ADGRL3: variants seen among roughly 807,000 people sequenced by gnomAD.
The protein encoded by ADGRL3 is calcium-independent alpha-latrotoxin receptor 3.
In ADGRL3, 62 loss-of-function variants were observed where a neutral mutation model predicts 153.5. The observed-to-expected ratio is 0.40, with a 90% CI of 0.33 to 0.50. The LOEUF (loss-of-function observed/expected upper bound fraction) is 0.50. ADGRL3 is among the 20% of genes least tolerant of loss of function. ADGRL3 has a pLI of 0.47. For synonymous variants in ADGRL3, 710 were observed against 672.5 expected (o/e 1.06, Z -0.86); for missense variants, 1,641 against 1,859.4 (o/e 0.88, Z 2.16).
At chr4:61,341,092 A>G (rs1170903872) in intron 1 of ADGRL3, among the ~76,000 whole-genome samples, 5 of 152,034 alleles carry the variant, frequency 3.3e-5, no homozygotes, top group African/African-American at 4.8e-5. Context: ...ACTAACATAT[A>G]TATATAGACA....
At chr4:61,441,935 A>C (rs1182391711) in intron 2 of ADGRL3, among the ~76,000 whole-genome samples, 1 of 152,190 alleles carries the variant, frequency 6.6e-6, no homozygotes, top group African/African-American at 2.4e-5. Context: ...AATAATTTGA[A>C]TGGTTTCCTT....
chr4:61,470,063 C>T (rs1250392298), intron 2 of ADGRL3, among the ~76,000 whole-genome samples: 1 of 151,950 alleles, frequency 6.6e-6, no homozygotes, highest in African/African-American at 2.4e-5. Flanking sequence ...CAGCATATCC[C>T]TTGTAACTTT....
intron 1 of ADGRL3, among the ~76,000 whole-genome samples, chr4:61,372,825 A>G (rs1393586737): frequency 6.6e-6 from 1 of 151,986 alleles, no homozygotes; most frequent in East Asian, 1.9e-4. Context: ...CCCCTCCCCC[A>G]GTCTCGCTGC....
At position 61,205,063 on chromosome 4, in the gene ADGRL3, A is replaced by AT. The variant is rs751622604; in HGVS notation, c.-240+3306dup. Among the ~76,000 whole-genome samples the AT allele has an allele frequency of 3.3e-5, 5 of 152,222 alleles. 1 individual carries two copies. The highest frequency in any genetic ancestry group is 3.9e-4 in the East Asian group (2 of 5,178). ...TGTTTCTACTAATTAGGAAAGGCAG[A>AT]TTTTTTTTATGGATTTGATTTACCA... On this transcript the variant is annotated intron_variant, in intron 1 of 26. Coordinates refer to ENST00000683033, the MANE Select transcript of ADGRL3 (RefSeq NM_001387552.1).
At chr4:61,347,112 A>T (rs1420950663) in intron 1 of ADGRL3, among the ~76,000 whole-genome samples, 2 of 152,138 alleles carry the variant, frequency 1.3e-5, no homozygotes, top group African/African-American at 2.4e-5. Context: ...CTTAAATTAC[A>T]TACAGTGAGT....
In ADGRL3 at chr4:61,201,012, C is replaced by T. The variant is rs576864917; in HGVS notation, c.-993C>T. Among the ~76,000 whole-genome samples, 2 of 152,114 alleles carry T rather than the reference C, an allele frequency of 1.3e-5. No individual in the cohort carries two copies. Among genetic ancestry groups the T allele is most frequent in the African/African-American group, 4.8e-5 (2 of 41,442 alleles). On this transcript the variant is annotated 5_prime_UTR_variant, in exon 1 of 27. Coordinates refer to ENST00000683033, the MANE Select transcript of ADGRL3 (RefSeq NM_001387552.1). ...TCGCTCCGGCTGTCCGCGGAGGTTGCGGGCTTGAGAGGGGACCCTCGGCTG... is the reference window on the plus strand; with the variant it reads ...TCGCTCCGGCTGTCCGCGGAGGTTGTGGGCTTGAGAGGGGACCCTCGGCTG...
chr4:61,249,033 C>G (rs904660438), intron 1 of ADGRL3, among the ~76,000 whole-genome samples: 1 of 152,154 alleles, frequency 6.6e-6, no homozygotes, highest in African/African-American at 2.4e-5. Context: ...TCCATCTAAC[C>G]TTCCTGTTTC....
At chr4:61,641,423 C>A (rs184101572) in intron 5 of ADGRL3, among the ~76,000 whole-genome samples, 4 of 145,638 alleles carry the variant, frequency 2.7e-5, no homozygotes, top group Non-Finnish European at 6.0e-5. Context: ...TCTCCCAATG[C>A]TATCCCTCCC....
rs536140761 is a variant in ADGRL3, at chr4:61,794,599, C to T, written c.1400-19210C>T. Among the ~76,000 whole-genome samples the T allele has an allele frequency of 7.9e-5, 12 of 152,232 alleles. No individual in the cohort carries two copies. In the South Asian group the frequency reaches 2.5e-3, roughly 32 times the overall value. On this transcript the variant is annotated intron_variant, in intron 8 of 26. Coordinates refer to ENST00000683033, the MANE Select transcript of ADGRL3 (RefSeq NM_001387552.1). ...TCATTTCTTGTTGTCTATTTCTTCC[C>T]ATTTGAAACAAATAAAAGCTTCCTG...
intron 19 of ADGRL3, among the ~76,000 whole-genome samples, chr4:61,995,160 T>A (rs1560481166): frequency 1.3e-5 from 2 of 151,690 alleles, no homozygotes; most frequent in East Asian, 3.9e-4. Context: ...CTCCTTGGCC[T>A]CCCAAAGTGC....
At chr4:61,592,561 A>C (rs2098974007) in intron 5 of ADGRL3, among the ~76,000 whole-genome samples, 2 of 152,192 alleles carry the variant, frequency 1.3e-5, no homozygotes, top group South Asian at 4.1e-4. Context: ...GAGAGAAGGA[A>C]GATAACTTTT....
intron 1 of ADGRL3, among the ~76,000 whole-genome samples, chr4:61,347,456 C>G (rs894282027): frequency 6.6e-6 from 1 of 152,072 alleles, no homozygotes; most frequent in Non-Finnish European, 1.5e-5. Context: ...TAATTCATGA[C>G]TACTTAGAAT....
chr4:61,414,754 A>G (rs540616889), intron 2 of ADGRL3, among the ~76,000 whole-genome samples: 2 of 152,066 alleles, frequency 1.3e-5, no homozygotes, highest in African/African-American at 2.4e-5. Flanking sequence ...TGGTTGTTAC[A>G]TAAGTTGTTA....
chr4:61,912,816 T>A, intron 13 of ADGRL3, 59 bp downstream of exon 13: 1 of 1,433,000 alleles, frequency 7.0e-7, no homozygotes, highest in Non-Finnish European at 9.8e-7. Context: ...TGTGATGGCA[T>A]GAATGGACAC....
rs1216453970 is a variant in ADGRL3 at position 61,562,716 on chromosome 4, A to G, written c.260-24511A>G. Among the ~76,000 whole-genome samples the G allele has an allele frequency of 4.6e-5, 7 of 152,130 alleles. 1 individual carries two copies. The highest frequency in any genetic ancestry group is 1.0e-4 in the Non-Finnish European group (7 of 68,016). On this transcript the variant is annotated intron_variant, in intron 4 of 26. Transcript: ENST00000683033. ...TGCTATTCGAACCACAAATGCAGTT[A>G]TATCCTCCGCCAAAGTCTTGAACCC...
chr4:62,036,761 T>TATAC (rs1725223981), intron 23 of ADGRL3, among the ~76,000 whole-genome samples: 1 of 152,086 alleles, frequency 6.6e-6, no homozygotes, highest in Non-Finnish European at 1.5e-5. Context: ...GAATAGTTTA[T>TATAC]ATACATGATG....
At position 61,982,947 on chromosome 4, in the gene ADGRL3, G is replaced by A. The variant is rs558108772; in HGVS notation, c.3016-436G>A. Among the ~76,000 whole-genome samples, 7 of 152,098 alleles carry A rather than the reference G, an allele frequency of 4.6e-5. No individual in the cohort carries two copies. In the South Asian group the frequency reaches 1.0e-3, roughly 23 times the overall value. ...ATTAACTACACTAATTTTCCCCTTA[G>A]TTTTAATGTTTCTCTTTCACTGACT... On this transcript the variant is annotated intron_variant, in intron 18 of 26. Coordinates refer to ENST00000683033, the MANE Select transcript of ADGRL3 (RefSeq NM_001387552.1).
chr4:61,969,568 C>T (rs1177880642), intron 17 of ADGRL3, among the ~76,000 whole-genome samples: 2 of 151,926 alleles, frequency 1.3e-5, no homozygotes, highest in Non-Finnish European at 2.9e-5. Flanking sequence ...TACTCATTTG[C>T]ATCACTGAAC....
At chr4:61,580,436 T>C (rs2098919417) in intron 4 of ADGRL3, among the ~76,000 whole-genome samples, 1 of 152,072 alleles carries the variant, frequency 6.6e-6, no homozygotes, top group Admixed American at 6.6e-5. Flanking sequence ...ATATTTTTCT[T>C]TCATTTATTT....
Sources: allele counts gnomAD v4.1 joint callset (sites outside exome capture counted in the v4.1 genomes callset), GRCh38; gene constraint gnomAD v4.1.1; transcripts MANE v1.5; gene names NCBI Gene and HGNC (gene_info 2026-07-23, HGNC 2026-07-21).